CNTNAP2: variants seen among roughly 807,000 people sequenced by gnomAD.
CNTNAP2 encodes the protein contactin-associated protein-like 2.
Under a neutral mutation model 155.2 loss-of-function variants are expected in CNTNAP2, and 98 were observed. That is an observed-to-expected ratio of 0.63 (90% CI 0.54 to 0.75). CNTNAP2 has a LOEUF of 0.75. CNTNAP2 is among the 30% of genes least tolerant of loss of function. The pLI is 0.00. For missense variants in CNTNAP2, 1,727 were observed against 1,688.1 expected, an observed-to-expected ratio of 1.02 and a Z score of -0.40; for synonymous variants, 651 against 631.2, an observed-to-expected ratio of 1.03 and a Z score of -0.47.
In CNTNAP2 at chr7:147,750,341, GT is replaced by G. The variant is rs1234227623; in HGVS notation, c.2098+111036del. Among the ~76,000 whole-genome samples, 5 of 152,266 alleles carry G rather than the reference GT, an allele frequency of 3.3e-5. No homozygotes were observed. In the South Asian group the frequency reaches 6.2e-4, roughly 19 times the overall value. Reference sequence around the variant, plus strand: ...TTTACATAAAATTATATATGTGTATGTCTGCATAGAGATCCAGAATAACATT... The same window carrying G: ...TTTACATAAAATTATATATGTGTATGCTGCATAGAGATCCAGAATAACATT... On this transcript the variant is annotated intron_variant, in intron 13 of 23. Transcript: ENST00000361727.
At chr7:147,165,161 T>C (rs1231466375) in intron 8 of CNTNAP2, among the ~76,000 whole-genome samples, 1 of 123,140 alleles carries the variant, frequency 8.1e-6, no homozygotes, top group African/African-American at 2.7e-5. Context: ...ATCCAAAGTA[T>C]TTTTTGATTT....
At chr7:147,401,094 A>G (rs1250172146) in intron 10 of CNTNAP2, among the ~76,000 whole-genome samples, 1 of 152,220 alleles carries the variant, frequency 6.6e-6, no homozygotes, top group East Asian at 1.9e-4. Context: ...ATAGCTGTTT[A>G]GAGGCCAAAG....
At chr7:147,446,943 A>G (rs1178270389) in intron 10 of CNTNAP2, among the ~76,000 whole-genome samples, 2 of 152,222 alleles carry the variant, frequency 1.3e-5, no homozygotes, top group Non-Finnish European at 2.9e-5. Flanking sequence ...ATGGATGAAG[A>G]GATGGCAGAG....
At chr7:146,874,765 T>A (rs187914179) in intron 3 of CNTNAP2, among the ~76,000 whole-genome samples, 2 of 152,348 alleles carry the variant, frequency 1.3e-5, no homozygotes, top group Admixed American at 1.3e-4. Context: ...TCAATAAAAT[T>A]GTATGATAAC....
intron 13 of CNTNAP2, among the ~76,000 whole-genome samples, chr7:147,867,513 A>G (rs559158433): frequency 1.2e-4 from 18 of 152,230 alleles, no homozygotes; most frequent in African/African-American, 4.3e-4. Context: ...AGGTTGGGGA[A>G]GTTCTCCTGG....
intron 1 of CNTNAP2, among the ~76,000 whole-genome samples, chr7:146,686,146 T>A (rs778245928): frequency 5.9e-5 from 9 of 152,038 alleles, no homozygotes; most frequent in South Asian, 2.1e-4. Context: ...AATAATTTTT[T>A]AAAAAATTAC....
intron 17 of CNTNAP2, among the ~76,000 whole-genome samples, chr7:148,157,795 C>T (rs1350718529): frequency 3.9e-5 from 6 of 151,974 alleles, no homozygotes; most frequent in African/African-American, 1.2e-4. Flanking sequence ...GGAGTGATGT[C>T]GTAATTAGAA....
chr7:147,946,420 A>G (rs1239625751), intron 14 of CNTNAP2, among the ~76,000 whole-genome samples: 3 of 152,116 alleles, frequency 2.0e-5, no homozygotes, highest in Non-Finnish European at 4.4e-5. Context: ...AAATACCAAG[A>G]TATTCCCCCA....
At chr7:147,198,983 A>T in intron 8 of CNTNAP2, among the ~76,000 whole-genome samples, 1 of 127,644 alleles carries the variant, frequency 7.8e-6, no homozygotes. Flanking sequence ...TTTTTTTGAG[A>T]CAGAATGATG....
chr7:146,975,038 ATTAAT>A (rs1584760275), intron 3 of CNTNAP2, among the ~76,000 whole-genome samples: 1 of 152,208 alleles, frequency 6.6e-6, no homozygotes. Flanking sequence ...ATTAACTTCT[ATTAAT>A]TTAATATTTT....
At chr7:147,190,316 A>G (rs955178669) in intron 8 of CNTNAP2, among the ~76,000 whole-genome samples, 1 of 152,162 alleles carries the variant, frequency 6.6e-6, no homozygotes, top group African/African-American at 2.4e-5. Flanking sequence ...AGTTGTCTGG[A>G]GTAAGTTTTG....
At chr7:146,357,573 G>C (rs7809716) in intron 1 of CNTNAP2, among the ~76,000 whole-genome samples, 1 of 151,966 alleles carries the variant, frequency 6.6e-6, no homozygotes. Flanking sequence ...TCCAGCTGCC[G>C]TTCATTCAAA....
intron 21 of CNTNAP2, among the ~76,000 whole-genome samples, chr7:148,343,439 T>A (rs1041121262): frequency 2.6e-5 from 4 of 152,212 alleles, no homozygotes; most frequent in Admixed American, 1.3e-4. Context: ...CAGGACTGGG[T>A]CATACTCATC....
intron 14 of CNTNAP2, among the ~76,000 whole-genome samples, chr7:147,948,811 C>T (rs1800868019): frequency 6.6e-6 from 1 of 151,940 alleles, no homozygotes; most frequent in South Asian, 2.1e-4. Context: ...GGAAACCTTA[C>T]CCATAACATA....
intron 15 of CNTNAP2, among the ~76,000 whole-genome samples, chr7:148,094,986 G>T (rs1335472757): frequency 6.6e-6 from 1 of 152,072 alleles, no homozygotes; most frequent in African/African-American, 2.4e-5. Context: ...ATAATAAGAG[G>T]CAGTGGAACC....
At chr7:147,463,241 T>C (rs189629474) in intron 10 of CNTNAP2, among the ~76,000 whole-genome samples, 73 of 152,348 alleles carry the variant, frequency 4.8e-4, no homozygotes, top group Middle Eastern at 6.8e-3. Context: ...TTTGGAAAGC[T>C]GTTTAATATA....
At chr7:147,648,150 A>G (rs1292676030) in intron 13 of CNTNAP2, among the ~76,000 whole-genome samples, 1 of 152,220 alleles carries the variant, frequency 6.6e-6, no homozygotes, top group African/African-American at 2.4e-5. Flanking sequence ...TTTAGGGATG[A>G]GGAGTTGTAA....
intron 17 of CNTNAP2, among the ~76,000 whole-genome samples, chr7:148,159,203 GACAA>G (rs1210817391): frequency 6.6e-6 from 1 of 152,068 alleles, no homozygotes; most frequent in Non-Finnish European, 1.5e-5. Context: ...GTCACATCCT[GACAA>G]TGTTCCTCTT....
At chr7:147,066,024 A>C (rs1208633263) in intron 4 of CNTNAP2, among the ~76,000 whole-genome samples, 2 of 152,190 alleles carry the variant, frequency 1.3e-5, no homozygotes, top group Admixed American at 1.3e-4. Context: ...AACAAAACAA[A>C]ACAAAACAAA....
Sources: allele counts gnomAD v4.1 joint callset (sites outside exome capture counted in the v4.1 genomes callset), GRCh38; gene constraint gnomAD v4.1.1; transcripts MANE v1.5; gene names NCBI Gene and HGNC (gene_info 2026-07-23, HGNC 2026-07-21).